CAMTA1: variants seen among roughly 807,000 people sequenced by gnomAD.
CAMTA1 encodes the protein calmodulin binding transcription activator 1, also known as calmodulin-binding transcription activator 1.
In CAMTA1, 27 loss-of-function variants were observed where a neutral mutation model predicts 170.9. The observed-to-expected ratio is 0.16, with a 90% CI of 0.12 to 0.22. The LOEUF (loss-of-function observed/expected upper bound fraction) is 0.22, where lower values mean the gene tolerates loss of function less well. Ranked by LOEUF, CAMTA1 falls within the 10% of genes least tolerant of loss-of-function variation. The pLI, the probability that CAMTA1 is intolerant of heterozygous loss-of-function variation, is 1.00. For missense variants in CAMTA1, 1,619 were observed against 2,217.2 expected (o/e 0.73, Z 5.42); for synonymous variants, 833 against 891.5 (o/e 0.93, Z 1.17).
intron 16 of CAMTA1, 119 bp from the exon 17 acceptor site, chr1:7,744,716 T>C (rs1469272200): frequency 2.7e-5 from 20 of 746,906 alleles, no homozygotes; most frequent in Non-Finnish European, 4.0e-5. Context: ...TGGATTGAGG[T>C]GGAAGTCTGC....
At chr1:7,098,307 G>A (rs140062459) in intron 4 of CAMTA1, among the ~76,000 whole-genome samples, 259 of 152,358 alleles carry the variant, frequency 1.7e-3, no homozygotes, top group Non-Finnish European at 2.8e-3. Context: ...GCACTGAACC[G>A]GGAACGCACT....
At chr1:7,336,996 C>T (rs533515718) in intron 5 of CAMTA1, among the ~76,000 whole-genome samples, 2 of 152,228 alleles carry the variant, frequency 1.3e-5, no homozygotes, top group Non-Finnish European at 2.9e-5. Flanking sequence ...GGTCCAGAAG[C>T]CTTTTTGCTT....
Position 7,570,945 on chromosome 1 carries a change from C to T in CAMTA1, c.511-69455C>T, listed in dbSNP as rs536705860. Among the ~76,000 whole-genome samples the T allele has an allele frequency of 6.6e-6, 1 of 152,188 alleles. No homozygotes were observed. The highest frequency in any genetic ancestry group is 2.4e-5 in the African/African-American group (1 of 41,440). ...AGTTGCCTCAAGATGGGCAGCCTTT[C>T]TGTGTCGCCGGAGGTTGTGAGGATT... On this transcript the variant is annotated intron_variant, in intron 6 of 22. Transcript: ENST00000303635. This position sits in a 1 kb window ranked among gnomAD's most constrained non-coding sequence, Gnocchi z 4.3.
intron 4 of CAMTA1, among the ~76,000 whole-genome samples, chr1:7,157,205 C>T (rs1472503183): frequency 1.3e-5 from 2 of 151,632 alleles, no homozygotes; most frequent in Admixed American, 6.6e-5. Context: ...ATTAGCCGGG[C>T]GTGGTGGCAG....
At chr1:7,453,557 C>A (rs1287706945) in intron 5 of CAMTA1, among the ~76,000 whole-genome samples, 8 of 152,244 alleles carry the variant, frequency 5.3e-5, no homozygotes, top group Non-Finnish European at 1.0e-4. Flanking sequence ...AGCTCTGAGC[C>A]AAACAGGCCT....
At chr1:7,175,974 T>C (rs1016893814) in intron 4 of CAMTA1, among the ~76,000 whole-genome samples, 6 of 152,294 alleles carry the variant, frequency 3.9e-5, no homozygotes, top group Non-Finnish European at 7.4e-5. Flanking sequence ...AAGCAAACTC[T>C]GAAGTGGGTC....
chr1:7,247,806 C>T lies in CAMTA1; in HGVS notation c.303-1685C>T, dbSNP rs1295957723. Reference sequence around the variant, plus strand: ...GGCTGAAGCGGGAAGAGGCTGACATCGTTGGCCCCACATGCAAGCCTACCT... The same window carrying T: ...GGCTGAAGCGGGAAGAGGCTGACATTGTTGGCCCCACATGCAAGCCTACCT... On this transcript the variant is annotated intron_variant, in intron 4 of 22. Transcript: ENST00000303635. Among the ~76,000 whole-genome samples, 3 of 152,130 alleles carry T rather than the reference C, an allele frequency of 2.0e-5. No homozygotes were observed. In the South Asian group the frequency reaches 6.2e-4, roughly 31 times the overall value.
chr1:7,582,738 C>A (rs981617467), intron 6 of CAMTA1, among the ~76,000 whole-genome samples: 1 of 152,050 alleles, frequency 6.6e-6, no homozygotes, highest in African/African-American at 2.4e-5. Flanking sequence ...TACTTTCGCT[C>A]ACAAACCACT....
At chr1:7,627,930 G>T (rs1009809549) in intron 6 of CAMTA1, among the ~76,000 whole-genome samples, 1 of 152,190 alleles carries the variant, frequency 6.6e-6, no homozygotes, top group Non-Finnish European at 1.5e-5. Context: ...ACACCAGAGG[G>T]TCATCTGAAT....
In CAMTA1 at chr1:7,649,231, G is replaced by T. The variant is rs549673697; in HGVS notation, c.664+8678G>T. ...TGACTTGCACTTGTGAGAAACCCTG[G>T]AGTTGCATAAGAGGAAGCACATCTG... On this transcript the variant is annotated intron_variant, in intron 7 of 22. Coordinates refer to ENST00000303635, the MANE Select transcript of CAMTA1 (RefSeq NM_015215.4). Among the ~76,000 whole-genome samples, 264 of 152,336 alleles carry T rather than the reference G, an allele frequency of 1.7e-3. 2 individuals carry two copies. Among genetic ancestry groups the T allele is most frequent in the Middle Eastern group, 3.4e-3 (1 of 294 alleles).
At chr1:7,374,236 A>T (rs941074972) in intron 5 of CAMTA1, among the ~76,000 whole-genome samples, 12 of 152,252 alleles carry the variant, frequency 7.9e-5, no homozygotes, top group African/African-American at 2.9e-4. Flanking sequence ...TAGAGCCCTT[A>T]TTCAATACCA....
chr1:7,737,146 C>A, intron 14 of CAMTA1, 109 bp from the exon 15 acceptor site: 1 of 1,339,948 alleles, frequency 7.5e-7, no homozygotes, highest in Non-Finnish European at 1.1e-6. Context: ...TCAATGGCCC[C>A]ACCGAGATTG....
chr1:7,270,240 T>TACACAC (rs1558335850), intron 5 of CAMTA1, among the ~76,000 whole-genome samples: 1 of 74,310 alleles, frequency 1.3e-5, no homozygotes, highest in African/African-American at 6.8e-5. Context: ...TACACATATA[T>TACACAC]ACATACACAC....
chr1:7,021,317 G>T (rs957738142), intron 3 of CAMTA1, among the ~76,000 whole-genome samples: 1 of 152,216 alleles, frequency 6.6e-6, no homozygotes, highest in Non-Finnish European at 1.5e-5. Context: ...ACCTGAACCG[G>T]GAGTCTGGAG....
chr1:7,359,281 C>T (rs112427900), intron 5 of CAMTA1, among the ~76,000 whole-genome samples: 42 of 152,230 alleles, frequency 2.8e-4, no homozygotes, highest in Non-Finnish European at 4.9e-4. Flanking sequence ...TGGAGAAGGG[C>T]ATGCTGAGTG....
chr1:7,671,201 A>G (rs1441831940), intron 10 of CAMTA1, among the ~76,000 whole-genome samples, 164 bp downstream of exon 10: 1 of 152,052 alleles, frequency 6.6e-6, no homozygotes, highest in East Asian at 1.9e-4. Context: ...TTAGAACGTC[A>G]CCTCCTTTGG....
rs1315416993 is a variant in CAMTA1, at chr1:7,534,992, G to A, written c.510+67091G>A. Among the ~76,000 whole-genome samples the A allele has an allele frequency of 2.6e-5, 4 of 152,230 alleles. No homozygotes were observed. In the South Asian group the frequency reaches 6.2e-4, roughly 24 times the overall value. ...AGGGAGTGAAGGAGAGAGGAGGGGA[G>A]GGGAGGGCTAGGAAGATCCCATCCA... On this transcript the variant is annotated intron_variant, in intron 6 of 22. Coordinates refer to ENST00000303635, the MANE Select transcript of CAMTA1 (RefSeq NM_015215.4). The surrounding 1 kb of genome is among the most constrained non-coding windows in gnomAD (Gnocchi z 5.6).
At position 7,588,069 on chromosome 1, in the gene CAMTA1, G is replaced by T. The variant is rs1157506244; in HGVS notation, c.511-52331G>T. ...AGCCTCCACCGTGCAGGTGGGCACT[G>T]GGCTGGCCTGGCAGTGGCCCAGGGT... On this transcript the variant is annotated intron_variant, in intron 6 of 22. Transcript: ENST00000303635. The surrounding 1 kb of genome is among the most constrained non-coding windows in gnomAD (Gnocchi z 5.8). Among the ~76,000 whole-genome samples, 1 of 152,132 alleles carries T rather than the reference G, an allele frequency of 6.6e-6. No homozygotes were observed. The highest frequency in any genetic ancestry group is 2.4e-5 in the African/African-American group (1 of 41,360).
At chr1:7,600,213 C>T (rs1323252576) in intron 6 of CAMTA1, among the ~76,000 whole-genome samples, 2 of 152,096 alleles carry the variant, frequency 1.3e-5, no homozygotes. Flanking sequence ...TGGTTTTTGT[C>T]GTTGGTTCTG....
Sources: allele counts gnomAD v4.1 joint callset (sites outside exome capture counted in the v4.1 genomes callset), GRCh38; gene constraint gnomAD v4.1.1; non-coding constraint Gnocchi (gnomAD v3.1); transcripts MANE v1.5; gene names NCBI Gene and HGNC (gene_info 2026-07-23, HGNC 2026-07-21).